The following NFATC1 variants were observed in gnomAD, a reference collection of about 807,000 sequenced individuals.
The protein encoded by NFATC1 is nuclear factor of activated T cells 1, also known as nuclear factor of activated T-cells, cytoplasmic 1.
A neutral mutation model predicts 76.0 loss-of-function variants in NFATC1; 22 were observed. That is an observed-to-expected ratio of 0.29 (90% confidence interval 0.21 to 0.41). The LOEUF (loss-of-function observed/expected upper bound fraction) is 0.41, where lower values mean the gene tolerates loss of function less well. NFATC1 is among the 10% of genes least tolerant of loss of function. The pLI is 1.00. For missense variants in NFATC1, 1,357 were observed against 1,337.7 expected (o/e 1.01, Z -0.23); for synonymous variants, 704 against 613.1 (o/e 1.15, Z -2.19).
rs2085572594 is a variant in NFATC1, at chr18:79,409,359, C to T, written c.128-1044C>T. 4.6e-5 allele frequency among the ~76,000 whole-genome samples: 7 copies of T among 150,546 alleles called. No homozygotes were observed. The South Asian group carries it at 1.5e-3, about 32-fold the overall frequency. ...ATCCATCCATCCATCCATCCATCAT[C>T]ATTCATCCATCCATCCATCATCCAT... On this transcript the variant is annotated intron_variant, in intron 1 of 9. Transcript: ENST00000427363.
chr18:79,403,265 C>T (rs1385210124), intron 1 of NFATC1, among the ~76,000 whole-genome samples: 2 of 152,254 alleles, frequency 1.3e-5, no homozygotes, highest in Non-Finnish European at 2.9e-5. Flanking sequence ...GTGTCTTGTT[C>T]TTTATTTCGA....
intron 6 of NFATC1, among the ~76,000 whole-genome samples, chr18:79,457,994 G>A (rs1568986470): frequency 6.6e-6 from 1 of 152,210 alleles, no homozygotes; most frequent in Non-Finnish European, 1.5e-5. Flanking sequence ...ATGGCACTAG[G>A]CCACGTCCAC....
At chr18:79,475,637 GCTCA>G (rs1225664428) in intron 8 of NFATC1, among the ~76,000 whole-genome samples, 3 of 152,220 alleles carry the variant, frequency 2.0e-5, no homozygotes, top group African/African-American at 7.2e-5. Flanking sequence ...GTGTTCTCAC[GCTCA>G]CTGTCAACGT....
At chr18:79,402,238 C>T in intron 1 of NFATC1, 1 of 675,820 alleles carries the variant, frequency 1.5e-6, no homozygotes, top group Non-Finnish European at 1.8e-6. Flanking sequence ...CCAGTCTCTG[C>T]CCCTCGAGGC....
intron 7 of NFATC1, among the ~76,000 whole-genome samples, chr18:79,463,822 G>A (rs556028067): frequency 3.3e-5 from 5 of 152,126 alleles, no homozygotes; most frequent in East Asian, 1.9e-4. Context: ...GCACATGCAC[G>A]CGGGTTGCGG....
chr18:79,475,207 G>A (rs927433162), intron 8 of NFATC1, among the ~76,000 whole-genome samples: 10 of 148,804 alleles, frequency 6.7e-5, no homozygotes, highest in East Asian at 2.0e-4. Flanking sequence ...CACGCTCACC[G>A]TCGACGTTGT....
intron 7 of NFATC1, among the ~76,000 whole-genome samples, chr18:79,463,017 T>C (rs1344632315): frequency 6.6e-6 from 1 of 152,226 alleles, no homozygotes; most frequent in Non-Finnish European, 1.5e-5. Flanking sequence ...CTTCACTCCC[T>C]GTCCCAAGAG....
intron 1 of NFATC1, chr18:79,400,186 G>C (rs1455173301): frequency 3.5e-6 from 4 of 1,146,590 alleles, no homozygotes; most frequent in Non-Finnish European, 4.3e-6. Flanking sequence ...ACTCGTGTCC[G>C]GGGAGTTTAT....
chr18:79,446,949 T>C (rs750714492), intron 3 of NFATC1, among the ~76,000 whole-genome samples: 1 of 152,236 alleles, frequency 6.6e-6, no homozygotes, highest in Non-Finnish European at 1.5e-5. Flanking sequence ...AGCTGGGACC[T>C]GGGTCCCGGC....
chr18:79,427,886 G>GGGGGAGCTGGACGGCTGGCCTCTGTGCAA (rs1568949248), intron 2 of NFATC1, among the ~76,000 whole-genome samples: 23 of 142,938 alleles, frequency 1.6e-4, no homozygotes, highest in African/African-American at 5.8e-4. Context: ...CCTCTGTGCA[G>GGGGGAGCTGGACGGCTGGCCTCTGTGCAA]TGAGTCGGGG....
chr18:79,492,423 C>T (rs982138164), intron 9 of NFATC1, among the ~76,000 whole-genome samples: 2 of 151,978 alleles, frequency 1.3e-5, no homozygotes, highest in African/African-American at 4.8e-5. Context: ...ATTAGCTGGG[C>T]GTGGGGCTGG....
intron 2 of NFATC1, among the ~76,000 whole-genome samples, chr18:79,427,378 C>A: frequency 8.3e-6 from 1 of 120,404 alleles, no homozygotes; most frequent in Non-Finnish European, 1.6e-5. Flanking sequence ...TACGGCTGGC[C>A]TCTGTGCAGT....
chr18:79,461,160 C>T, intron 6 of NFATC1, 151 bp from the exon 7 acceptor site: 1 of 813,214 alleles, frequency 1.2e-6, no homozygotes, highest in Non-Finnish European at 2.0e-6. Context: ...AGGTGCTGCC[C>T]TCGACAAAGC....
chr18:79,413,322 C>T (rs1005618778), intron 2 of NFATC1, among the ~76,000 whole-genome samples: 1 of 152,208 alleles, frequency 6.6e-6, no homozygotes, highest in Non-Finnish European at 1.5e-5. Context: ...AGACGGGTGG[C>T]CTTCATAGCA....
chr18:79,485,167 C>T (rs1242583209), intron 8 of NFATC1, among the ~76,000 whole-genome samples: 1 of 152,198 alleles, frequency 6.6e-6, no homozygotes, highest in Admixed American at 6.5e-5. Context: ...GGGAGTTTCC[C>T]TCCCTGTGGC....
intron 3 of NFATC1, among the ~76,000 whole-genome samples, chr18:79,443,871 C>T (rs768016537): frequency 3.3e-5 from 5 of 152,218 alleles, no homozygotes; most frequent in East Asian, 1.9e-4. Flanking sequence ...TGCCACATGG[C>T]GAAAGCTGCT....
intron 6 of NFATC1, 56 bp downstream of exon 6, chr18:79,451,872 G>T (rs189757547): frequency 6.7e-5 from 104 of 1,557,250 alleles, no homozygotes; most frequent in Admixed American, 1.1e-4. Context: ...GGTGGGAACC[G>T]GTTCCCAGTC....
At chr18:79,525,078 C>T (rs1403111046) in intron 9 of NFATC1, among the ~76,000 whole-genome samples, 1 of 93,370 alleles carries the variant, frequency 1.1e-5, no homozygotes, top group Non-Finnish European at 2.3e-5. Flanking sequence ...CACGTCCCAC[C>T]GTCGTTACCC....
intron 3 of NFATC1, among the ~76,000 whole-genome samples, chr18:79,441,792 G>T (rs148773007): frequency 3.3e-5 from 5 of 152,184 alleles, no homozygotes; most frequent in Admixed American, 3.3e-4. Context: ...GGGTTGCGGC[G>T]TTTCCCACTT....
Sources: gnomAD v4.1 joint callset for allele counts (sites outside exome capture counted in the v4.1 genomes callset) on GRCh38, gnomAD v4.1.1 for gene constraint, MANE v1.5 for transcripts, NCBI Gene and HGNC (gene_info 2026-07-23, HGNC 2026-07-21) for gene names.